KIF15: variants seen among roughly 807,000 people sequenced by gnomAD.
KIF15 encodes the protein kinesin-like protein KIF15.
A neutral mutation model predicts 190.6 loss-of-function variants in KIF15; 140 were observed. The observed-to-expected ratio is 0.73, with a 90% CI of 0.64 to 0.84. KIF15 has a LOEUF of 0.84. Ranked by LOEUF, KIF15 falls within the 40% of genes least tolerant of loss-of-function variation. The pLI is 0.00. For missense variants in KIF15, 1,372 were observed against 1,584.4 expected (o/e 0.87, Z 2.28); for synonymous variants, 528 against 551.3 (o/e 0.96, Z 0.59).
Position 44,808,609 on chromosome 3 carries a change from TA to T in KIF15, c.1972-2228del, listed in dbSNP as rs375836574. Among the ~76,000 whole-genome samples, 574 of 146,436 alleles carry T rather than the reference TA, an allele frequency of 3.9e-3. 4 individuals are homozygous for T. The highest frequency in any genetic ancestry group is 0.011 in the African/African-American group (450 of 39,350). The stretch of plus-strand genomic sequence containing the variant: ...ATTGTTTTGCTTTTTTTTTTTTTTT[TA>T]AAAAAAAACGGTCATTCTTCATGTG... On this transcript the variant is annotated intron_variant, in intron 16 of 34. Coordinates refer to ENST00000326047, the MANE Select transcript of KIF15 (RefSeq NM_020242.3).
intron 20 of KIF15, among the ~76,000 whole-genome samples, chr3:44,821,411 G>C (rs1169031707): frequency 7.4e-6 from 1 of 135,214 alleles, no homozygotes; most frequent in Admixed American, 7.7e-5. Context: ...CTCAGACGGG[G>C]CGGTCGGGCA....
intron 25 of KIF15, 123 bp downstream of exon 25, chr3:44,830,198 G>A: frequency 2.2e-6 from 1 of 461,122 alleles, no homozygotes; most frequent in Non-Finnish European, 3.9e-6. Context: ...GGAAATTCTA[G>A]TTAAATAAAG....
chr3:44,811,273 A>C (rs2125656802), intron 17 of KIF15, among the ~76,000 whole-genome samples: 1 of 152,250 alleles, frequency 6.6e-6, no homozygotes, highest in East Asian at 1.9e-4. Context: ...TTTGTTCCTT[A>C]GTGTATAAAA....
At chr3:44,798,364 TTTTA>T (rs1430082993) in intron 10 of KIF15, among the ~76,000 whole-genome samples, 1 of 150,602 alleles carries the variant, frequency 6.6e-6, no homozygotes, top group African/African-American at 2.4e-5. Flanking sequence ...TTTATTTATT[TTTTA>T]TTTATTTATT....
chr3:44,823,953 G>C (rs961302449), intron 20 of KIF15, among the ~76,000 whole-genome samples: 2 of 152,132 alleles, frequency 1.3e-5, no homozygotes, highest in African/African-American at 4.8e-5. Context: ...GAAATTCCCC[G>C]ACCCCTTGCG....
At chr3:44,765,528 C>G (rs886181083) in intron 1 of KIF15, among the ~76,000 whole-genome samples, 2 of 152,204 alleles carry the variant, frequency 1.3e-5, no homozygotes, top group African/African-American at 4.8e-5. Context: ...CTCTTTCTTT[C>G]TATGACTGCA....
In KIF15 at chr3:44,797,887, A is replaced by T. The variant is rs1707068846; in HGVS notation, c.1029A>T (p.Gly343=). Residue 343 remains glycine (G), a synonymous_variant, in exon 10 of 35, where the codon GGA becomes GGT. Coordinates refer to ENST00000326047, the MANE Select transcript of KIF15 (RefSeq NM_020242.3). ...KTAIIANVHP[G]SRCFGETLST... ...CCATAATTGCAAATGTTCATCCTGGATCCAGGTGTTTTGGGGAAACCCTAT... is the reference window on the plus strand; with the variant it reads ...CCATAATTGCAAATGTTCATCCTGGTTCCAGGTGTTTTGGGGAAACCCTAT... 6.2e-7 allele frequency: 1 copy of T among 1,613,836 alleles called. No homozygotes were observed. Among genetic ancestry groups the T allele is most frequent in the Non-Finnish European group, 8.5e-7 (1 of 1,179,926 alleles).
In KIF15 at chr3:44,814,902, G is replaced by A; in HGVS notation, c.2384-9G>A. 1 of 1,575,068 alleles carries A rather than the reference G, an allele frequency of 6.3e-7. No homozygotes were observed. The highest frequency in any genetic ancestry group is 2.0e-5 in the Admixed American group (1 of 51,046). ...AACCTACTGAGGATATGTTTTCTTT[G>A]TTTTTTAGTTTTGAAAAGTGAGGTA... is the stretch of plus-strand genomic sequence containing the variant. On this transcript the variant is annotated splice_polypyrimidine_tract_variant and intron_variant, in intron 19 of 34. Transcript: ENST00000326047.
intron 16 of KIF15, among the ~76,000 whole-genome samples, chr3:44,808,477 T>A (rs1490788423): frequency 1.3e-5 from 2 of 152,216 alleles, no homozygotes; most frequent in Non-Finnish European, 2.9e-5. Flanking sequence ...AATATAATCC[T>A]TTGTCCCCAC....
intron 20 of KIF15, among the ~76,000 whole-genome samples, chr3:44,818,411 C>T (rs767998319): frequency 2.6e-5 from 4 of 152,102 alleles, no homozygotes; most frequent in South Asian, 4.1e-4. Context: ...TTTTGAGATA[C>T]GTTCCATCAA....
Position 44,768,653 on chromosome 3 carries a change from C to T in KIF15, c.20-5742C>T, listed in dbSNP as rs550941037. On this transcript the variant is annotated intron_variant, in intron 1 of 34. Coordinates refer to ENST00000326047, the MANE Select transcript of KIF15 (RefSeq NM_020242.3). ...GCTGTCTCCTGTCTCTATCATTCCC[C>T]ACTCTAAAGAAGTACATCTAACTGC... Among the ~76,000 whole-genome samples the T allele has an allele frequency of 1.9e-3, 289 of 152,286 alleles. 4 individuals carry two copies. Among genetic ancestry groups the T allele is most frequent in the African/African-American group, 6.0e-3 (250 of 41,556 alleles).
intron 5 of KIF15, among the ~76,000 whole-genome samples, chr3:44,783,357 TGAGA>T (rs368367542): frequency 4.7e-5 from 7 of 149,812 alleles, no homozygotes; most frequent in Admixed American, 6.6e-5. Context: ...GAGAGGAAAG[TGAGA>T]GAGAGAGAGA....
chr3:44,844,060 A>G (rs1191710563), intron 30 of KIF15, among the ~76,000 whole-genome samples: 1 of 152,184 alleles, frequency 6.6e-6, no homozygotes, highest in East Asian at 1.9e-4. Context: ...TTATGCAAGA[A>G]GTCGAATTGA....
At chr3:44,813,019 G>T in intron 18 of KIF15, 56 bp from the exon 19 acceptor site, 1 of 997,170 alleles carries the variant, frequency 1.0e-6, no homozygotes. Context: ...ATGATTTGGA[G>T]TGCATCTTAG....
rs933195750 is a variant in KIF15, at chr3:44,780,868, T to C, written c.324-17T>C. 6.4e-7 allele frequency: 1 copy of C among 1,551,172 alleles called. No individual in the cohort carries two copies. Among genetic ancestry groups the C allele is most frequent in the African/African-American group, 1.4e-5 (1 of 72,974 alleles). On this transcript the variant is annotated splice_polypyrimidine_tract_variant and intron_variant, in intron 4 of 34. Transcript: ENST00000326047. ...TAATTTTATGTGTAAAAATAATATG[T>C]AAAACATTTTTTACAGTGGACAGAC...
chr3:44,840,315 A>G, intron 27 of KIF15, 40 bp from the exon 28 acceptor site: 4 of 1,218,034 alleles, frequency 3.3e-6, no homozygotes, highest in Non-Finnish European at 4.7e-6. Context: ...TGTACCCCAT[A>G]TTACTAAGTT....
intron 19 of KIF15, among the ~76,000 whole-genome samples, chr3:44,814,324 T>G (rs1707931946): frequency 1.3e-5 from 2 of 152,172 alleles, no homozygotes; most frequent in Admixed American, 1.3e-4. Context: ...GTTTGTTTGT[T>G]TTGAGACAGA....
chr3:44,792,593 C>A (rs924966832), intron 7 of KIF15, among the ~76,000 whole-genome samples: 1 of 149,830 alleles, frequency 6.7e-6, no homozygotes, highest in African/African-American at 2.5e-5. Flanking sequence ...GTTGCCCAGG[C>A]TGGAGCGGAA....
At chr3:44,858,468 A>G (rs1412288479) in intron 6 of KIF15, among the ~76,000 whole-genome samples, 2 of 152,012 alleles carry the variant, frequency 1.3e-5, no homozygotes, top group Non-Finnish European at 2.9e-5. Context: ...TGGGATAGTA[A>G]TGCGCGTGTG....
Sources: allele counts gnomAD v4.1 joint callset (sites outside exome capture counted in the v4.1 genomes callset), GRCh38; gene constraint gnomAD v4.1.1; transcripts MANE v1.5; gene names NCBI Gene and HGNC (gene_info 2026-07-23, HGNC 2026-07-21).